The following CD226 variants were observed in gnomAD, a reference collection of about 807,000 sequenced individuals.
The protein encoded by CD226 is CD226 antigen.
CD226 carries 24 observed loss-of-function variants against 34.9 expected under a neutral mutation model. That is an observed-to-expected ratio of 0.69 (90% confidence interval 0.50 to 0.97). The LOEUF (loss-of-function observed/expected upper bound fraction) is 0.97. CD226 is among the 50% of genes least tolerant of loss of function. The pLI, the probability that CD226 is intolerant of heterozygous loss-of-function variation, is 0.00. For synonymous variants in CD226, 148 were observed against 147.4 expected, an observed-to-expected ratio of 1.00 and a Z score of -0.03; for missense variants, 397 against 412.7, an observed-to-expected ratio of 0.96 and a Z score of 0.33.
Position 69,856,301 on chromosome 18 carries a change from A to C in CD226, c.*8013T>G, listed in dbSNP as rs1263567664. On this transcript the variant is annotated 3_prime_UTR_variant, in exon 6 of 6. Transcript: ENST00000582621. ...CAAGAGTATCAAGATACATGAGACA[A>C]AAACTAACAAAACTGCAAGGAGAAA... The C allele has an allele frequency of 6.6e-6, 1 of 152,234 alleles. No homozygotes were observed. Among genetic ancestry groups the C allele is most frequent in the Non-Finnish European group, 1.5e-5 (1 of 68,036 alleles). The allele number at this position is 152,234 out of a possible 1,614,324, so 9.4% of individuals were successfully genotyped here.
chr18:69,945,670 A>G (rs1231631282), intron 2 of CD226, among the ~76,000 whole-genome samples: 1 of 152,180 alleles, frequency 6.6e-6, no homozygotes, highest in Non-Finnish European at 1.5e-5. Context: ...CCTGGGCAAC[A>G]TGTTGAAACC....
chr18:69,903,325 C>G (rs1333954765), intron 2 of CD226, among the ~76,000 whole-genome samples: 2 of 152,184 alleles, frequency 1.3e-5, no homozygotes, highest in African/African-American at 4.8e-5. Context: ...AACGCATCAG[C>G]ATTCCCAGAA....
chr18:69,870,834 A>C (rs558496044), intron 4 of CD226, among the ~76,000 whole-genome samples: 20 of 152,334 alleles, frequency 1.3e-4, no homozygotes, highest in Non-Finnish European at 2.4e-4. Context: ...ACAGTCAGTA[A>C]AACGGAGTTC....
At chr18:69,930,418 C>T (rs2055575071) in intron 2 of CD226, among the ~76,000 whole-genome samples, 3 of 152,122 alleles carry the variant, frequency 2.0e-5, no homozygotes, top group African/African-American at 7.2e-5. Flanking sequence ...GCAAAAGCAT[C>T]AAATCTCTGA....
In CD226 at chr18:69,895,808, A is replaced by ATGACGC. The variant is rs1985243191; in HGVS notation, c.614_619dup (p.Ser205_Val206dup). ...TGAGACTGTGACATCGGGGATGACG[A>ATGACGC]TGACGCTCCACCTTCCGTGGCTGCA... On this transcript the variant is annotated inframe_insertion, in exon 3 of 6. Coordinates refer to ENST00000582621, the MANE Select transcript of CD226 (RefSeq NM_001303618.2). 1 of 1,614,130 alleles carries ATGACGC rather than the reference A, an allele frequency of 6.2e-7. No homozygotes were observed. The highest frequency in any genetic ancestry group is 8.5e-7 in the Non-Finnish European group (1 of 1,180,018).
At chr18:69,951,367 C>T (rs1568211100), upstream of CD226, among the ~76,000 whole-genome samples, 1 of 152,028 alleles carries the variant, frequency 6.6e-6, no homozygotes, top group South Asian at 2.1e-4. Flanking sequence ...ACATTCCATG[C>T]CAGAAAAACA....
At chr18:69,936,229 CT>C (rs35889407) in intron 2 of CD226, among the ~76,000 whole-genome samples, 129,147 of 151,614 alleles carry the variant, frequency 0.85, 58,244 homozygotes, top group East Asian at 1. Flanking sequence ...TAAACTTTCT[CT>C]TTTTTTTTGA....
At chr18:69,900,195 C>T (rs970002703) in intron 2 of CD226, among the ~76,000 whole-genome samples, 2 of 152,118 alleles carry the variant, frequency 1.3e-5, no homozygotes, top group African/African-American at 4.8e-5. Context: ...AAACCAAATA[C>T]CACATGTTCT....
At chr18:69,875,764 G>A (rs1223450206) in intron 3 of CD226, among the ~76,000 whole-genome samples, 1 of 152,186 alleles carries the variant, frequency 6.6e-6, no homozygotes, top group Non-Finnish European at 1.5e-5. Flanking sequence ...ATTTGCGACA[G>A]CATGGATGAA....
At chr18:69,867,299 A>T in intron 5 of CD226, 58 bp downstream of exon 5, 1 of 1,119,946 alleles carries the variant, frequency 8.9e-7, no homozygotes, top group East Asian at 2.3e-5. Flanking sequence ...TGCAAAAGAG[A>T]CTGACTTTGC....
intron 4 of CD226, among the ~76,000 whole-genome samples, chr18:69,872,176 T>A (rs918056898): frequency 6.6e-6 from 1 of 151,984 alleles, no homozygotes; most frequent in Non-Finnish European, 1.5e-5. Context: ...ATCTATGATA[T>A]GCCAGACATG....
intron 3 of CD226, among the ~76,000 whole-genome samples, chr18:69,873,950 T>C (rs922019841): frequency 9.9e-5 from 15 of 152,162 alleles, no homozygotes; most frequent in Non-Finnish European, 1.9e-4. Flanking sequence ...CAACAGAATA[T>C]AACTCTGATG....
intron 5 of CD226, among the ~76,000 whole-genome samples, chr18:69,866,505 C>A (rs1201015907): frequency 6.6e-6 from 1 of 152,082 alleles, no homozygotes. Flanking sequence ...TAAAAAAGTT[C>A]TTTGGTTGTA....
chr18:69,926,309 C>A (rs939660194), intron 2 of CD226, among the ~76,000 whole-genome samples: 1 of 152,058 alleles, frequency 6.6e-6, no homozygotes, highest in Non-Finnish European at 1.5e-5. Flanking sequence ...TTTGCACTTG[C>A]TATTCCTACT....
chr18:69,870,367 C>T (rs1568157801), intron 4 of CD226, among the ~76,000 whole-genome samples: 1 of 150,846 alleles, frequency 6.6e-6, no homozygotes, highest in East Asian at 2.0e-4. Flanking sequence ...CTCCATCTCC[C>T]GGGTTCAAGT....
At chr18:69,877,432 A>T (rs1329287884) in intron 3 of CD226, among the ~76,000 whole-genome samples, 1 of 152,162 alleles carries the variant, frequency 6.6e-6, no homozygotes, top group Non-Finnish European at 1.5e-5. Flanking sequence ...TCCAAACCCC[A>T]TCCTCTTGGA....
upstream of CD226, among the ~76,000 whole-genome samples, chr18:69,957,896 C>T (rs559677481): frequency 2.6e-5 from 4 of 152,316 alleles, no homozygotes; most frequent in East Asian, 7.7e-4. Context: ...GCAAGGCCTG[C>T]GTCATTGATG....
rs151069786 is a variant in CD226, at chr18:69,955,153, GTTC to G, written c.-28+1599_-28+1601del. ...ACGGGGAACACTCTTCAGCCACACT[GTTC>G]TTCTTCCTGTAGGCTGTCCACCCAG... is the stretch of plus-strand genomic sequence containing the variant. On this transcript the variant is annotated intron_variant, in intron 1 of 6. Coordinates refer to the CD226 transcript ENST00000280200. Among the ~76,000 whole-genome samples, 443 of 152,298 alleles carry G rather than the reference GTTC, an allele frequency of 2.9e-3. 5 individuals are homozygous for G. Among genetic ancestry groups the G allele is most frequent in the African/African-American group, 0.01 (422 of 41,558 alleles).
intron 3 of CD226, among the ~76,000 whole-genome samples, chr18:69,891,660 A>T (rs767452299): frequency 2.0e-5 from 3 of 152,228 alleles, no homozygotes; most frequent in Non-Finnish European, 4.4e-5. Flanking sequence ...AAAAATCAAC[A>T]TATAAAATAT....
Sources: allele counts gnomAD v4.1 joint callset (sites outside exome capture counted in the v4.1 genomes callset), GRCh38; gene constraint gnomAD v4.1.1; transcripts MANE v1.5; gene names NCBI Gene and HGNC (gene_info 2026-07-23, HGNC 2026-07-21).